The following TTC29 variants were observed in gnomAD, a reference collection of about 807,000 sequenced individuals.
TTC29 encodes the protein tetratricopeptide repeat protein 29.
TTC29 carries 49 observed loss-of-function variants against 58.1 expected under a neutral mutation model. The observed-to-expected ratio is 0.84, with a 90% CI of 0.67 to 1.07. The LOEUF is 1.07. Ranked by LOEUF, TTC29 falls within the 50% of genes least tolerant of loss-of-function variation. TTC29 has a pLI of 0.00. For synonymous variants in TTC29, 209 were observed against 196.8 expected, an observed-to-expected ratio of 1.06 and a Z score of -0.52; for missense variants, 582 against 555.6, an observed-to-expected ratio of 1.05 and a Z score of -0.48.
chr4:146,758,202 C>T (rs1287254580), intron 11 of TTC29, among the ~76,000 whole-genome samples: 1 of 151,978 alleles, frequency 6.6e-6, no homozygotes, highest in Non-Finnish European at 1.5e-5. Flanking sequence ...TGATATCAGA[C>T]AAAACATACT....
intron 11 of TTC29, among the ~76,000 whole-genome samples, chr4:146,761,817 T>C (rs1369958695): frequency 6.6e-6 from 1 of 151,752 alleles, no homozygotes; most frequent in Non-Finnish European, 1.5e-5. Flanking sequence ...TTAATGATGA[T>C]TTATCTGAGT....
intron 8 of TTC29, among the ~76,000 whole-genome samples, chr4:146,852,137 C>T (rs1201777923): frequency 6.6e-6 from 1 of 152,192 alleles, no homozygotes; most frequent in African/African-American, 2.4e-5. Context: ...TCCTGTTGTG[C>T]TTTTCTCCAA....
At chr4:146,732,040 A>T (rs1219422139) in intron 11 of TTC29, among the ~76,000 whole-genome samples, 2 of 152,180 alleles carry the variant, frequency 1.3e-5, no homozygotes, top group Admixed American at 1.3e-4. Context: ...AGAAGTAACA[A>T]GTTTTGGAAA....
chr4:146,942,509 A>G (rs560277306), intron 2 of TTC29: 8 of 841,794 alleles, frequency 9.5e-6, no homozygotes, highest in East Asian at 2.7e-5. Flanking sequence ...TACAGAGCAT[A>G]TGGTAAGAAG....
chr4:146,858,671 G>T (rs116246130), intron 8 of TTC29, among the ~76,000 whole-genome samples: 2 of 152,116 alleles, frequency 1.3e-5, no homozygotes, highest in Non-Finnish European at 2.9e-5. Context: ...AGTTATCTGC[G>T]TGTTAAGCCC....
At chr4:146,936,449 A>C (rs1735827072) in intron 4 of TTC29, among the ~76,000 whole-genome samples, 1 of 152,154 alleles carries the variant, frequency 6.6e-6, no homozygotes, top group African/African-American at 2.4e-5. Context: ...TTTTCTTTTA[A>C]GAAGTAGTTG....
chr4:146,866,991 A>G (rs1004296594), intron 8 of TTC29, among the ~76,000 whole-genome samples: 1 of 152,196 alleles, frequency 6.6e-6, no homozygotes, highest in African/African-American at 2.4e-5. Context: ...TGATTTGATT[A>G]TACGGCAGGC....
At chr4:146,856,768 C>T (rs972482847) in intron 8 of TTC29, among the ~76,000 whole-genome samples, 1 of 150,890 alleles carries the variant, frequency 6.6e-6, no homozygotes, top group African/African-American at 2.4e-5. Context: ...AGAGCTACTC[C>T]TTATTGATGA....
At chr4:146,924,308 TG>T (rs1734784258) in intron 4 of TTC29, among the ~76,000 whole-genome samples, 2 of 151,984 alleles carry the variant, frequency 1.3e-5, no homozygotes, top group South Asian at 4.1e-4. Context: ...TCTATTTTCT[TG>T]AAGAGTTCGT....
Position 146,876,990 on chromosome 4 carries a change from G to A in TTC29, c.587-2062C>T, listed in dbSNP as rs1002802092. ...GTAGACATGGACAGTCTAAGTCCTT[G>A]CTGAGCCGTGCAGGAGGACATGTCA... is the stretch of plus-strand genomic sequence containing the variant. On this transcript the variant is annotated intron_variant, in intron 6 of 12. Transcript: ENST00000325106. Among the ~76,000 whole-genome samples the A allele has an allele frequency of 6.7e-5, 10 of 149,378 alleles. No homozygotes were observed. The Admixed American group carries it at 6.7e-4, about 10-fold the overall frequency.
At chr4:146,762,943 T>A (rs1323901241) in intron 11 of TTC29, among the ~76,000 whole-genome samples, 3 of 152,070 alleles carry the variant, frequency 2.0e-5, no homozygotes, top group Non-Finnish European at 4.4e-5. Flanking sequence ...TAGCTAACAT[T>A]ATTTCTGGAT....
chr4:146,710,027 C>G (rs1423752835), intron 11 of TTC29, among the ~76,000 whole-genome samples: 1 of 152,124 alleles, frequency 6.6e-6, no homozygotes, highest in East Asian at 1.9e-4. Context: ...TAGATCTTCC[C>G]TATCAGTAGA....
chr4:146,809,829 T>C (rs1750890660), intron 10 of TTC29, among the ~76,000 whole-genome samples: 2 of 149,734 alleles, frequency 1.3e-5, no homozygotes, highest in African/African-American at 2.5e-5. Flanking sequence ...TGTAAATTAG[T>C]CCAACCATTG....
intron 10 of TTC29, among the ~76,000 whole-genome samples, chr4:146,817,315 A>G (rs1008841514): frequency 6.6e-6 from 1 of 152,226 alleles, no homozygotes; most frequent in African/African-American, 2.4e-5. Context: ...CAAATCATGA[A>G]TGAACTCCCA....
At chr4:146,936,623 G>A (rs546351668) in intron 4 of TTC29, among the ~76,000 whole-genome samples, 1 of 152,114 alleles carries the variant, frequency 6.6e-6, no homozygotes, top group South Asian at 2.1e-4. Flanking sequence ...GTAAAATTTT[G>A]TCATTCTATA....
chr4:146,745,497 G>T (rs948325798), intron 11 of TTC29, among the ~76,000 whole-genome samples: 4 of 152,192 alleles, frequency 2.6e-5, no homozygotes, highest in African/African-American at 9.7e-5. Flanking sequence ...AAAAGAGAGA[G>T]GAATAAAGAA....
intron 11 of TTC29, among the ~76,000 whole-genome samples, chr4:146,790,257 C>T (rs1034963767): frequency 4.0e-5 from 6 of 151,340 alleles, no homozygotes; most frequent in Admixed American, 3.9e-4. Context: ...GGCGCGATCT[C>T]GGCTCTCTGC....
At chr4:146,942,007 G>C (rs946606215) in intron 2 of TTC29, among the ~76,000 whole-genome samples, 5 of 152,180 alleles carry the variant, frequency 3.3e-5, no homozygotes, top group African/African-American at 1.2e-4. Flanking sequence ...GGGTGCAGAA[G>C]CACTAAGACG....
At chr4:146,939,759 A>G (rs1736185700) in intron 3 of TTC29, 45 bp downstream of exon 3, 2 of 1,509,454 alleles carry the variant, frequency 1.3e-6, no homozygotes, top group Non-Finnish European at 1.8e-6. Flanking sequence ...CTTATTACAG[A>G]AAATTCCTTC....
Sources: gnomAD v4.1 joint callset for allele counts (sites outside exome capture counted in the v4.1 genomes callset) on GRCh38, gnomAD v4.1.1 for gene constraint, MANE v1.5 for transcripts, NCBI Gene and HGNC (gene_info 2026-07-23, HGNC 2026-07-21) for gene names.